The following LSAMP variants were observed in gnomAD, a reference collection of about 807,000 sequenced individuals.
The protein encoded by LSAMP is limbic system-associated membrane protein.
In LSAMP, 7 loss-of-function variants were observed where a neutral mutation model predicts 38.6. The observed-to-expected ratio is 0.18, with a 90% CI of 0.10 to 0.34. LSAMP has a LOEUF of 0.34. Ranked by LOEUF, LSAMP falls within the 10% of genes least tolerant of loss-of-function variation. The pLI is 1.00. For synonymous variants in LSAMP, 154 were observed against 166.8 expected, an observed-to-expected ratio of 0.92 and a Z score of 0.59; for missense variants, 313 against 420.0, an observed-to-expected ratio of 0.75 and a Z score of 2.23.
intron 4 of LSAMP, among the ~76,000 whole-genome samples, chr3:115,850,631 A>G (rs1516521): frequency 0.18 from 27,473 of 152,162 alleles, 2,631 homozygotes; most frequent in Non-Finnish European, 0.23. Flanking sequence ...CTATTACTAA[A>G]AAATTGGAAG....
chr3:116,214,608 A>G (rs2046198824), intron 1 of LSAMP, among the ~76,000 whole-genome samples: 1 of 150,468 alleles, frequency 6.6e-6, no homozygotes, highest in Non-Finnish European at 1.5e-5. Flanking sequence ...GGTTCAAGCA[A>G]TTCTCCACCT....
intron 2 of LSAMP, among the ~76,000 whole-genome samples, chr3:116,052,527 G>A (rs1003242641): frequency 2.0e-5 from 3 of 152,046 alleles, no homozygotes; most frequent in Admixed American, 6.5e-5. Flanking sequence ...TGGAAACTCC[G>A]GACTGGCTTT....
intron 1 of LSAMP, among the ~76,000 whole-genome samples, chr3:116,145,932 C>T (rs1275132617): frequency 3.3e-5 from 5 of 151,760 alleles, no homozygotes; most frequent in Non-Finnish European, 5.9e-5. Flanking sequence ...TAAAAATAAA[C>T]TTCTTTTATA....
chr3:116,069,923 C>A (rs1410284614), intron 2 of LSAMP, among the ~76,000 whole-genome samples: 1 of 151,986 alleles, frequency 6.6e-6, no homozygotes, highest in Non-Finnish European at 1.5e-5. Context: ...AAGATGAAGT[C>A]ATCAATGGAC....
At chr3:116,171,370 C>T (rs918538813) in intron 1 of LSAMP, among the ~76,000 whole-genome samples, 9 of 152,008 alleles carry the variant, frequency 5.9e-5, no homozygotes, top group African/African-American at 1.7e-4. Context: ...AATATAGAAA[C>T]CTCACAACAA....
chr3:116,280,054 CT>C (rs1260174915), intron 1 of LSAMP, among the ~76,000 whole-genome samples: 2 of 152,016 alleles, frequency 1.3e-5, no homozygotes, highest in African/African-American at 4.8e-5. Flanking sequence ...ATACTGGTGG[CT>C]TTAATTACTG....
chr3:115,843,857 G>A (rs1935075503), intron 4 of LSAMP, among the ~76,000 whole-genome samples: 1 of 152,178 alleles, frequency 6.6e-6, no homozygotes, highest in Non-Finnish European at 1.5e-5. Context: ...CAGAGTTACA[G>A]CACATTTGAA....
At chr3:116,332,477 A>G (rs2047863997) in intron 1 of LSAMP, among the ~76,000 whole-genome samples, 1 of 152,166 alleles carries the variant, frequency 6.6e-6, no homozygotes, top group South Asian at 2.1e-4. Context: ...ACCACAAAAT[A>G]TTCTATAGAA....
chr3:115,836,858 C>G (rs930020051), intron 6 of LSAMP, among the ~76,000 whole-genome samples: 2 of 152,196 alleles, frequency 1.3e-5, no homozygotes, highest in African/African-American at 4.8e-5. Flanking sequence ...TCTTGGCTCA[C>G]TGCCTTCTGC....
At chr3:115,867,686 G>A (rs1177177500) in intron 3 of LSAMP, among the ~76,000 whole-genome samples, 1 of 152,112 alleles carries the variant, frequency 6.6e-6, no homozygotes, top group Non-Finnish European at 1.5e-5. Flanking sequence ...CACCAGAATT[G>A]CAAGAGCCTA....
chr3:116,432,744 G>A (rs2049297473), intron 1 of LSAMP, among the ~76,000 whole-genome samples: 1 of 152,040 alleles, frequency 6.6e-6, no homozygotes, highest in African/African-American at 2.4e-5. Context: ...ACACAGTAAT[G>A]GTTTTTGCAG....
intron 3 of LSAMP, among the ~76,000 whole-genome samples, chr3:115,992,037 C>A (rs1217348986): frequency 6.6e-6 from 1 of 152,026 alleles, no homozygotes; most frequent in Non-Finnish European, 1.5e-5. Context: ...GGGTGGACAG[C>A]ATGGATGTAG....
At chr3:116,110,977 C>T (rs528209883) in intron 1 of LSAMP, among the ~76,000 whole-genome samples, 1 of 151,006 alleles carries the variant, frequency 6.6e-6, no homozygotes, top group South Asian at 2.1e-4. Context: ...AAGGGGTTCT[C>T]TGGTGGGCAG....
intron 3 of LSAMP, among the ~76,000 whole-genome samples, chr3:115,924,817 C>G (rs1170638706): frequency 6.6e-6 from 1 of 152,156 alleles, no homozygotes; most frequent in East Asian, 1.9e-4. Flanking sequence ...CTAAAGTCCT[C>G]CTAAACATAG....
intron 3 of LSAMP, among the ~76,000 whole-genome samples, chr3:115,940,879 C>T (rs375872509): frequency 6.6e-6 from 1 of 152,126 alleles, no homozygotes; most frequent in Non-Finnish European, 1.5e-5. Context: ...TACAAAGAAG[C>T]TTTGTTCTTC....
chr3:116,444,779 G>A (rs1192912191), intron 1 of LSAMP, 98 bp downstream of exon 1: 11 of 1,472,946 alleles, frequency 7.5e-6, no homozygotes, highest in Admixed American at 1.8e-5. Flanking sequence ...TGGAGTTCAA[G>A]GAGATCAGAC....
At chr3:115,824,645 T>C (rs986510530) in intron 6 of LSAMP, among the ~76,000 whole-genome samples, 3 of 148,130 alleles carry the variant, frequency 2.0e-5, no homozygotes, top group African/African-American at 7.5e-5. Context: ...GAGGTTGCAG[T>C]GAGCAGAGAT....
At chr3:116,190,128 C>CACACACACACACAT (rs768880292) in intron 1 of LSAMP, among the ~76,000 whole-genome samples, 52 of 146,418 alleles carry the variant, frequency 3.6e-4, no homozygotes, top group Admixed American at 4.8e-4. Flanking sequence ...CACACACACA[C>CACACACACACACAT]ATGCATTAAG....
intron 1 of LSAMP, among the ~76,000 whole-genome samples, chr3:116,390,796 C>T (rs1306159121): frequency 1.4e-5 from 2 of 147,834 alleles, no homozygotes; most frequent in Non-Finnish European, 3.0e-5. Flanking sequence ...ACAATAATAT[C>T]CATATATTCT....
Sources: gnomAD v4.1 joint callset for allele counts (sites outside exome capture counted in the v4.1 genomes callset) on GRCh38, gnomAD v4.1.1 for gene constraint, MANE v1.5 for transcripts, NCBI Gene and HGNC (gene_info 2026-07-23, HGNC 2026-07-21) for gene names.